KCNAB2: variants seen among roughly 807,000 people sequenced by gnomAD.
The protein encoded by KCNAB2 is potassium voltage-gated channel subfamily A regulatory beta subunit 2.
Under a neutral mutation model 63.6 loss-of-function variants are expected in KCNAB2, and 29 were observed. The observed-to-expected ratio is 0.46, with a 90% CI of 0.34 to 0.62. The LOEUF (loss-of-function observed/expected upper bound fraction) is 0.62. Ranked by LOEUF, KCNAB2 falls within the 20% of genes least tolerant of loss-of-function variation. The probability of loss-of-function intolerance (pLI) is 0.01; values close to 1 mark genes in which losing one functional copy is unlikely to be tolerated. For synonymous variants in KCNAB2, 222 were observed against 224.2 expected, an observed-to-expected ratio of 0.99 and a Z score of 0.09; for missense variants, 359 against 563.9, an observed-to-expected ratio of 0.64 and a Z score of 3.68.
At chr1:6,077,972 C>T (rs565403565) in intron 4 of KCNAB2, among the ~76,000 whole-genome samples, 1 of 152,344 alleles carries the variant, frequency 6.6e-6, no homozygotes, top group East Asian at 1.9e-4. Flanking sequence ...TCTCACAGCT[C>T]TGGGGTCCAG....
upstream of KCNAB2, chr1:6,041,937 G>C: frequency 6.9e-7 from 1 of 1,444,546 alleles, no homozygotes; most frequent in East Asian, 2.3e-5. Flanking sequence ...TGGGAGGACT[G>C]CACCCTTGCC....
In KCNAB2 at chr1:6,036,990, G is replaced by A. The variant is rs191458709; in HGVS notation, c.-53+2196G>A. 5.0e-3 allele frequency among the ~76,000 whole-genome samples: 754 copies of A among 152,292 alleles called. 2 individuals carry two copies. Among genetic ancestry groups the A allele is most frequent in the Non-Finnish European group, 9.1e-3 (619 of 68,022 alleles). ...GCCCAGAAGCAGCCTGAGAGGATTC[G>A]TAAACAGGCATGGAGGTGTTCTAAT... On this transcript the variant is annotated intron_variant, in intron 1 of 15. Coordinates refer to the KCNAB2 transcript ENST00000164247.
Position 6,055,647 on chromosome 1 carries a change from C to A in KCNAB2, c.218+3893C>A, listed in dbSNP as rs549043760. ...CTGGGATTACAGGCATGAGCCATCTCACCCCACCAACAAAGTCCCTTTAGC... is the reference window on the plus strand; with the variant it reads ...CTGGGATTACAGGCATGAGCCATCTAACCCCACCAACAAAGTCCCTTTAGC... On this transcript the variant is annotated intron_variant, in intron 2 of 15. Transcript: ENST00000378083. 1.3e-4 allele frequency among the ~76,000 whole-genome samples: 20 copies of A among 152,280 alleles called. No individual in the cohort carries two copies. The South Asian group carries it at 4.1e-3, about 32-fold the overall frequency.
intron 1 of KCNAB2, among the ~76,000 whole-genome samples, chr1:6,022,405 G>A (rs1658898464): frequency 6.6e-6 from 1 of 151,748 alleles, no homozygotes. Flanking sequence ...ACAGCTCAGT[G>A]GTATTGAGTG....
rs1664658593 is a variant in KCNAB2 at position 6,085,906 on chromosome 1, C to T, written c.425+658C>T. 6.1e-6 allele frequency: 6 copies of T among 985,722 alleles called. No homozygotes were observed. In the African/African-American group the frequency reaches 1.0e-4, roughly 17 times the overall value. The allele number at this position is 985,722 out of a possible 1,614,324, so 61.1% of individuals were successfully genotyped here. A position where few individuals can be genotyped will look rare whatever the true frequency, so the allele number is the denominator to read the frequency against. On this transcript the variant is annotated intron_variant, in intron 6 of 15. Coordinates refer to ENST00000378083, the MANE Select transcript of KCNAB2 (RefSeq NM_001199862.2). ...GTCACACTCCTCTGGGAAGTGGTCC[C>T]CTCCAGCACAGACCGGGGAGCGGTC...
At chr1:6,006,628 CACCCTCACCCCTCAGCTCAGG>C (rs1657789013) in intron 1 of KCNAB2, among the ~76,000 whole-genome samples, 1 of 10,884 alleles carries the variant, frequency 9.2e-5, no homozygotes, top group South Asian at 2.9e-3. Flanking sequence ...CCCCCCACTC[CACCCTCACCCCTCAGCTCAGG>C]TCCCACATCC....
chr1:6,078,375 G>A lies in KCNAB2; in HGVS notation c.301-3820G>A, dbSNP rs1663872134. Among the ~76,000 whole-genome samples the A allele has an allele frequency of 6.6e-6, 1 of 152,180 alleles. No individual in the cohort carries two copies. Among genetic ancestry groups the A allele is most frequent in the African/African-American group, 2.4e-5 (1 of 41,438 alleles). ...CCTAAGGTCACATTCCCAGGTTCCA[G>A]GGACGTGATACCTTTGGAGAACCAT... On this transcript the variant is annotated intron_variant, in intron 4 of 15. Coordinates refer to ENST00000378083, the MANE Select transcript of KCNAB2 (RefSeq NM_001199862.2). The surrounding 1 kb of genome is among the most constrained non-coding windows in gnomAD (Gnocchi z 4.2).
chr1:6,062,331 C>G (rs978517485), intron 2 of KCNAB2, among the ~76,000 whole-genome samples: 1 of 151,860 alleles, frequency 6.6e-6, no homozygotes, highest in Admixed American at 6.6e-5. Flanking sequence ...AAAAAAAGTC[C>G]AGTGTCTCTA....
rs539232821 is a variant in KCNAB2 at position 6,099,697 on chromosome 1, A to T, written c.*1123A>T. Reference sequence around the variant, plus strand: ...AGGGTCTTTGGGGTTTTCTGTGCCCATGACTTGGGGGCTGCACCCCCACAG... The same window carrying T: ...AGGGTCTTTGGGGTTTTCTGTGCCCTTGACTTGGGGGCTGCACCCCCACAG... On this transcript the variant is annotated 3_prime_UTR_variant, in exon 16 of 16. Transcript: ENST00000378083. 1 of 1,402,864 alleles carries T rather than the reference A, an allele frequency of 7.1e-7. No homozygotes were observed. The highest frequency in any genetic ancestry group is 1.5e-5 in the African/African-American group (1 of 68,944). 86.9% of individuals were successfully genotyped at this position (1,402,864 alleles called of 1,614,324 possible).
intron 6 of KCNAB2, chr1:6,085,801 T>G: frequency 1.0e-6 from 1 of 982,638 alleles, no homozygotes; most frequent in Non-Finnish European, 1.2e-6. Flanking sequence ...AGGGTGTGTG[T>G]GGGACCGTTC....
At chr1:6,075,368 C>G (rs969026879) in intron 4 of KCNAB2, among the ~76,000 whole-genome samples, 1 of 152,232 alleles carries the variant, frequency 6.6e-6, no homozygotes, top group African/African-American at 2.4e-5. Context: ...GTGGCAGCCC[C>G]GCTGGCCCAG....
At chr1:6,004,971 G>GGGGTGGGGGT (rs1657487722) in intron 1 of KCNAB2, among the ~76,000 whole-genome samples, 6 of 128,222 alleles carry the variant, frequency 4.7e-5, no homozygotes, top group Admixed American at 7.6e-5. Context: ...GCTGAGCTGA[G>GGGGTGGGGGT]GGATGAGGGT....
intron 1 of KCNAB2, among the ~76,000 whole-genome samples, chr1:6,019,751 T>G (rs1658716451): frequency 6.6e-6 from 1 of 152,150 alleles, no homozygotes; most frequent in Non-Finnish European, 1.5e-5. Context: ...AAAATTATAT[T>G]CATGGCTTAA....
Position 6,095,525 on chromosome 1 carries a change from T to G in KCNAB2, c.854-5T>G. The G allele has an allele frequency of 6.3e-7, 1 of 1,583,718 alleles. No homozygotes were observed. The highest frequency in any genetic ancestry group is 8.6e-7 in the Non-Finnish European group (1 of 1,162,112). On this transcript the variant is annotated splice_polypyrimidine_tract_variant and splice_region_variant and intron_variant, in intron 12 of 15. Transcript: ENST00000378083. ...GGCTTGACTCCACCTGCTTTTCCTCTTCAGGAGTGGGCGCCATGACCTGGT... is the reference window on the plus strand; with the variant it reads ...GGCTTGACTCCACCTGCTTTTCCTCGTCAGGAGTGGGCGCCATGACCTGGT...
rs1486006458 is a variant in KCNAB2 at position 6,049,625 on chromosome 1, T to C, written c.-26-1886T>C. Among the ~76,000 whole-genome samples the C allele has an allele frequency of 2.6e-5, 4 of 152,012 alleles. No homozygotes were observed. In the East Asian group the frequency reaches 7.7e-4, roughly 29 times the overall value. On this transcript the variant is annotated intron_variant, in intron 1 of 15. Transcript: ENST00000378083. ...GGGGGCCATCCAGCCCTGACCAGGGTGGTGGGGCCAAGGCCTGTGTGGACA... is the reference window on the plus strand; with the variant it reads ...GGGGGCCATCCAGCCCTGACCAGGGCGGTGGGGCCAAGGCCTGTGTGGACA...
At chr1:6,046,921 T>A (rs2100502794) in intron 1 of KCNAB2, among the ~76,000 whole-genome samples, 1 of 152,334 alleles carries the variant, frequency 6.6e-6, no homozygotes, top group African/African-American at 2.4e-5. Context: ...TGATTCCTAC[T>A]GACTTAATGA....
At chr1:6,056,029 C>T (rs1661791983) in intron 2 of KCNAB2, among the ~76,000 whole-genome samples, 1 of 150,584 alleles carries the variant, frequency 6.6e-6, no homozygotes, top group Non-Finnish European at 1.5e-5. Flanking sequence ...AGGTGGACGG[C>T]AGCATGCCTG....
upstream of KCNAB2, chr1:6,041,502 A>G (rs1289583987): frequency 5.6e-6 from 2 of 357,128 alleles, no homozygotes; most frequent in East Asian, 1.2e-4. Flanking sequence ...GCATATTGCA[A>G]AGCAAGTCCT....
chr1:6,029,258 G>A (rs929669471), intron 1 of KCNAB2, among the ~76,000 whole-genome samples: 27 of 150,306 alleles, frequency 1.8e-4, no homozygotes, highest in African/African-American at 3.9e-4. Context: ...ACTCCAGCCC[G>A]GGCGACTGAA....
Sources: gnomAD v4.1 joint callset for allele counts (sites outside exome capture counted in the v4.1 genomes callset) on GRCh38, gnomAD v4.1.1 for gene constraint, Gnocchi (gnomAD v3.1) non-coding constraint, MANE v1.5 for transcripts, NCBI Gene and HGNC (gene_info 2026-07-23, HGNC 2026-07-21) for gene names.